Variants in CD86 observed in about 807,000 individuals in gnomAD.
CD86 encodes the protein CD86 molecule, also known as T-lymphocyte activation antigen CD86.
CD86 carries 11 observed loss-of-function variants against 32.1 expected under a neutral mutation model. The ratio of observed to expected loss-of-function variants is 0.34; its 90% CI spans 0.22 to 0.57. The LOEUF (loss-of-function observed/expected upper bound fraction) is 0.57. Ranked by LOEUF, CD86 falls within the 20% of genes least tolerant of loss-of-function variation. CD86 has a pLI of 0.86. For missense variants in CD86, 359 were observed against 398.4 expected (o/e 0.90, Z 0.84); for synonymous variants, 137 against 135.3 (o/e 1.01, Z -0.09).
intron 1 of CD86, among the ~76,000 whole-genome samples, chr3:122,080,517 A>G (rs1299337102): frequency 6.6e-6 from 1 of 152,102 alleles, no homozygotes; most frequent in Non-Finnish European, 1.5e-5. Context: ...TGCCTACAAT[A>G]TTGGAAGGTG....
chr3:122,058,176 A>G (rs980569356), intron 1 of CD86, among the ~76,000 whole-genome samples: 3 of 152,224 alleles, frequency 2.0e-5, no homozygotes, highest in African/African-American at 7.2e-5. Flanking sequence ...TTTGTCCAAG[A>G]TTATACAACC....
At position 122,106,388 on chromosome 3, in the gene CD86, C is replaced by T. The variant is rs199853120; in HGVS notation, c.591C>T (p.Tyr197=). The change falls in exon 4 of 7, where the codon TAC becomes TAT. Residue 197 remains tyrosine, a synonymous_variant. Transcript: ENST00000330540. The part of the protein sequence containing the change: ...QKSQDNVTEL[Y]DVSISLSVSF... ...CTCAAGATAATGTCACAGAACTGTACGACGTTTCCATCAGCTTGTCTGTTT... is the reference window on the plus strand; with the variant it reads ...CTCAAGATAATGTCACAGAACTGTATGACGTTTCCATCAGCTTGTCTGTTT... The T allele has an allele frequency of 2.5e-6, 4 of 1,613,888 alleles. No individual in the cohort carries two copies. The highest frequency in any genetic ancestry group is 1.3e-5 in the African/African-American group (1 of 75,024).
intron 5 of CD86, 27 bp downstream of exon 5, chr3:122,109,435 G>A: frequency 6.2e-7 from 1 of 1,613,168 alleles, no homozygotes; most frequent in South Asian, 1.1e-5. Context: ...CCTCCCCACA[G>A]ACTGTCACTT....
At chr3:122,092,182 C>T (rs1008363824) in intron 2 of CD86, 1 of 152,524 alleles carries the variant, frequency 6.6e-6, no homozygotes, top group Admixed American at 6.5e-5. Flanking sequence ...CCACGGCTTC[C>T]TGACAACTAT....
chr3:122,076,737 T>A (rs547069482), intron 1 of CD86, among the ~76,000 whole-genome samples: 1 of 152,200 alleles, frequency 6.6e-6, no homozygotes, highest in Non-Finnish European at 1.5e-5. Flanking sequence ...AGGAAAGTAA[T>A]AATGAAGATG....
chr3:122,097,646 TG>T (rs1419779944), intron 2 of CD86, among the ~76,000 whole-genome samples: 1 of 151,204 alleles, frequency 6.6e-6, no homozygotes, highest in Non-Finnish European at 1.5e-5. Context: ...AATCCAAGGG[TG>T]GGGAGAATTC....
At chr3:122,112,324 T>TG (rs1338725375) in intron 5 of CD86, among the ~76,000 whole-genome samples, 1 of 151,988 alleles carries the variant, frequency 6.6e-6, no homozygotes, top group Non-Finnish European at 1.5e-5. Flanking sequence ...AATTTTTTTT[T>TG]TGTGTGTGTG....
intron 1 of CD86, among the ~76,000 whole-genome samples, chr3:122,079,249 A>G (rs1457481801): frequency 6.6e-6 from 1 of 152,200 alleles, no homozygotes; most frequent in African/African-American, 2.4e-5. Context: ...TGGTTAGTCT[A>G]TTCTTCTTGA....
chr3:122,106,510 T>C lies in CD86; in HGVS notation c.703+10T>C, dbSNP rs372780513. ...TCACCTTTCTCTATAGGTAAAGCTGTTTTCCAAGACTATTTCTTTCAGCAG... is the reference window on the plus strand; with the variant it reads ...TCACCTTTCTCTATAGGTAAAGCTGCTTTCCAAGACTATTTCTTTCAGCAG... On this transcript the variant is annotated intron_variant, in intron 4 of 6. Coordinates refer to ENST00000330540, the MANE Select transcript of CD86 (RefSeq NM_175862.5). 3.5e-5 allele frequency: 55 copies of C among 1,586,022 alleles called. No individual in the cohort carries two copies. In the African/African-American group the frequency reaches 7.4e-4, roughly 21 times the overall value.
chr3:122,073,207 G>C (rs898890677), intron 1 of CD86, among the ~76,000 whole-genome samples: 2 of 149,304 alleles, frequency 1.3e-5, no homozygotes, highest in African/African-American at 4.9e-5. Context: ...TTGGATTTTA[G>C]CCATTCTACT....
Position 122,103,701 on chromosome 3 carries a change from G to A in CD86, c.254G>A (p.Arg85His). 3.1e-6 allele frequency: 5 copies of A among 1,614,020 alleles called. No homozygotes were observed. Among genetic ancestry groups the A allele is most frequent in the South Asian group, 1.1e-5 (1 of 91,072 alleles). ...AGTGTTCATTCCAAGTATATGGGCCGCACAAGTTTTGATTCGGACAGTTGG... is the reference window on the plus strand; with the variant it reads ...AGTGTTCATTCCAAGTATATGGGCCACACAAGTTTTGATTCGGACAGTTGG... Reference protein sequence around the residue: ...FDSVHSKYMGRTSFDSDSWTL... With the variant: ...FDSVHSKYMGHTSFDSDSWTL... Residue 85 changes from arginine to histidine, a missense_variant, in exon 3 of 7, where the codon CGC becomes CAC. Transcript: ENST00000330540.
Position 122,120,899 on chromosome 3 carries a change from A to C in CD86, c.*1365A>C, listed in dbSNP as rs1419556419. 6.6e-6 allele frequency: 1 copy of C among 152,248 alleles called. No homozygotes were observed. The highest frequency in any genetic ancestry group is 1.5e-5 in the Non-Finnish European group (1 of 68,062). The allele number at this position is 152,248 out of a possible 1,614,324, so 9.4% of individuals were successfully genotyped here. On this transcript the variant is annotated 3_prime_UTR_variant, in exon 7 of 7. Coordinates refer to ENST00000330540, the MANE Select transcript of CD86 (RefSeq NM_175862.5). ...AACCTGGCTCTAAGGTGGGATCACT[A>C]AGGGATGGGGCAGTCTCTGCCCAAA...
intron 4 of CD86, 24 bp from the exon 5 acceptor site, chr3:122,109,241 T>C (rs761838584): frequency 1.9e-6 from 3 of 1,605,792 alleles, no homozygotes; most frequent in African/African-American, 1.3e-5. Flanking sequence ...TCCTGGCTGA[T>C]TGAAAATTTG....
intron 1 of CD86, among the ~76,000 whole-genome samples, chr3:122,087,805 A>T (rs976225988): frequency 3.3e-5 from 5 of 152,114 alleles, no homozygotes; most frequent in Non-Finnish European, 5.9e-5. Flanking sequence ...TACTCTGGAT[A>T]GCTTCAGAGG....
chr3:122,096,962 T>C (rs1235010253), intron 2 of CD86, among the ~76,000 whole-genome samples: 1 of 152,226 alleles, frequency 6.6e-6, no homozygotes, highest in East Asian at 1.9e-4. Flanking sequence ...CTTAAGAAAT[T>C]GAGTTGCTAA....
chr3:122,082,004 A>G (rs907786542), intron 1 of CD86, among the ~76,000 whole-genome samples: 1 of 152,204 alleles, frequency 6.6e-6, no homozygotes, highest in African/African-American at 2.4e-5. Flanking sequence ...GGTGAGAGCG[A>G]TGGAGTGTCC....
intron 1 of CD86, among the ~76,000 whole-genome samples, chr3:122,062,670 G>A (rs1053254555): frequency 1.3e-5 from 2 of 152,120 alleles, no homozygotes; most frequent in African/African-American, 4.8e-5. Flanking sequence ...ATAATAAGTA[G>A]TTAATAAATC....
intron 2 of CD86, among the ~76,000 whole-genome samples, chr3:122,092,769 C>T (rs2072845844): frequency 6.6e-6 from 1 of 152,248 alleles, no homozygotes. Context: ...CACCCACAGG[C>T]CACCAGCCAT....
intron 2 of CD86, among the ~76,000 whole-genome samples, chr3:122,102,336 C>T (rs2073022574): frequency 6.7e-6 from 1 of 148,758 alleles, no homozygotes; most frequent in Non-Finnish European, 1.5e-5. Context: ...AAGGTGGCAT[C>T]TAACTTCATA....
Sources: allele counts gnomAD v4.1 joint callset (sites outside exome capture counted in the v4.1 genomes callset), GRCh38; gene constraint gnomAD v4.1.1; transcripts MANE v1.5; gene names NCBI Gene and HGNC (gene_info 2026-07-23, HGNC 2026-07-21).